Variants in LHX3 observed in about 807,000 individuals in gnomAD.
The protein encoded by LHX3 is LIM/homeobox protein Lhx3.
Under a neutral mutation model 32.4 loss-of-function variants are expected in LHX3, and 21 were observed. The ratio of observed to expected loss-of-function variants is 0.65; its 90% confidence interval spans 0.46 to 0.93. The LOEUF is 0.93. LHX3 is among the 40% of genes least tolerant of loss of function. The pLI is 0.00. For missense variants in LHX3, 626 were observed against 560.0 expected (o/e 1.12, Z -1.19); for synonymous variants, 258 against 246.8 (o/e 1.05, Z -0.43).
intron 1 of LHX3, chr9:136,201,819 C>T (rs1831645450): frequency 3.6e-6 from 2 of 552,786 alleles, no homozygotes; most frequent in Non-Finnish European, 4.6e-6. Flanking sequence ...GTCGAGGACC[C>T]GCTGCGCGCC....
At chr9:136,198,571 G>C in intron 5 of LHX3, 81 bp downstream of exon 5, 1 of 1,455,056 alleles carries the variant, frequency 6.9e-7, no homozygotes, top group South Asian at 1.2e-5. Context: ...GGGAAATTCA[G>C]ATCCGCGGGC....
At chr9:136,200,339 C>CT (rs1168027019) in intron 2 of LHX3, 84 of 585,332 alleles carry the variant, frequency 1.4e-4, no homozygotes, top group Middle Eastern at 9.1e-4. Flanking sequence ...TAATAAATTG[C>CT]TTTTTTTTCC....
rs754186538 is a variant in LHX3, at chr9:136,199,720, G to T, written c.412C>A (p.Arg138=). ...GDEFYLMEDS[R]LVCKADYETA... ...TCGTAGTCCGCCTTGCACACGAGCC[G>T]GCTGTCCTCCATGAGGTAGAACTCG... Residue 138 remains arginine, a synonymous_variant, in exon 3 of 6, where the codon CGG becomes AGG. Coordinates refer to ENST00000371748, the MANE Select transcript of LHX3 (RefSeq NM_178138.6). 2 of 1,612,946 alleles carry T rather than the reference G, an allele frequency of 1.2e-6. No homozygotes were observed. Among genetic ancestry groups the T allele is most frequent in the South Asian group, 1.1e-5 (1 of 91,080 alleles).
In LHX3 at chr9:136,197,546, G is replaced by T; in HGVS notation, c.973C>A (p.Gln325Lys). 6.5e-7 allele frequency: 1 copy of T among 1,528,444 alleles called. No homozygotes were observed. The highest frequency in any genetic ancestry group is 8.8e-7 in the Non-Finnish European group (1 of 1,133,868). The allele number at this position is 1,528,444 out of a possible 1,614,324, so 94.7% of individuals were successfully genotyped here. A position where few individuals can be genotyped will look rare whatever the true frequency, so the allele number is the denominator to read the frequency against. Reference protein sequence around the residue: ...YGVPPSPAAPQSLPGPQPLLS... With the variant: ...YGVPPSPAAPKSLPGPQPLLS... ...AGGGGCTGGGGGCCAGGGAGGCTCTGCGGGGCGGCGGGGGATGGGGGGACA... is the reference window on the plus strand; with the variant it reads ...AGGGGCTGGGGGCCAGGGAGGCTCTTCGGGGCGGCGGGGGATGGGGGGACA... The change falls in exon 6 of 6, where the codon CAG (glutamine) becomes AAG (lysine). Residue 325 changes from glutamine (Q) to lysine (K), a missense_variant. Gln to Lys is a moderately conservative substitution (Grantham distance 53). Transcript: ENST00000371748.
intron 1 of LHX3, chr9:136,201,180 C>G: frequency 7.4e-7 from 1 of 1,357,354 alleles, no homozygotes; most frequent in Non-Finnish European, 9.4e-7. Flanking sequence ...GCTGGGGCAC[C>G]CCATCGGGTC....
chr9:136,200,813 C>T (rs1831622964), intron 1 of LHX3, 60 bp from the exon 2 acceptor site: 1 of 1,589,362 alleles, frequency 6.3e-7, no homozygotes, highest in South Asian at 1.1e-5. Context: ...AAGCCACCTT[C>T]CCACCCCAAC....
Position 136,197,113 on chromosome 9 carries a change from C to A in LHX3, c.*212G>T. 1.7e-6 allele frequency: 1 copy of A among 596,702 alleles called. No homozygotes were observed. Among genetic ancestry groups the A allele is most frequent in the Non-Finnish European group, 3.0e-6 (1 of 335,556 alleles). 37.0% of individuals were successfully genotyped at this position (596,702 alleles called of 1,614,324 possible). On this transcript the variant is annotated 3_prime_UTR_variant, in exon 6 of 6. Transcript: ENST00000371748. ...CAAAAAAGGCTGGCTTGCTGGGAGG[C>A]CACCTGGCGGGCCAGCCCTGTGTCA...
Position 136,205,071 on chromosome 9 carries a change from G to A in LHX3, c.-59C>T. On this transcript the variant is annotated 5_prime_UTR_variant, in exon 1 of 6. Coordinates refer to ENST00000371748, the MANE Select transcript of LHX3 (RefSeq NM_178138.6). ...TCCTCCTAGGTCAGCGTCCCCTGGAGGGTTCGGGGCTCCCAAGTCCCGCCG... is the reference window on the plus strand; with the variant it reads ...TCCTCCTAGGTCAGCGTCCCCTGGAAGGTTCGGGGCTCCCAAGTCCCGCCG... 1 of 1,435,656 alleles carries A rather than the reference G, an allele frequency of 7.0e-7. No homozygotes were observed. The highest frequency in any genetic ancestry group is 9.4e-7 in the Non-Finnish European group (1 of 1,059,324). The allele number at this position is 1,435,656 out of a possible 1,614,324, so 88.9% of individuals were successfully genotyped here.
At chr9:136,202,961 C>G in intron 1 of LHX3, 1 of 1,531,974 alleles carries the variant, frequency 6.5e-7, no homozygotes, top group Non-Finnish European at 8.7e-7. Flanking sequence ...CGCAGGTCCG[C>G]CCTCCGCGCC....
Position 136,197,285 on chromosome 9 carries a change from A to G in LHX3, c.*40T>C, listed in dbSNP as rs775058506. ...AGCCCCGAGCCGCCCACCCAGGGGC[A>G]GCTCCCTCGTGTGAGGTGCAGGGTG... is the stretch of plus-strand genomic sequence containing the variant. On this transcript the variant is annotated 3_prime_UTR_variant, in exon 6 of 6. Coordinates refer to ENST00000371748, the MANE Select transcript of LHX3 (RefSeq NM_178138.6). 41 of 1,603,902 alleles carry G rather than the reference A, an allele frequency of 2.6e-5. No individual in the cohort carries two copies. The highest frequency in any genetic ancestry group is 3.5e-5 in the Non-Finnish European group (41 of 1,174,088).
intron 2 of LHX3, 143 bp downstream of exon 2, chr9:136,200,439 G>A (rs1347197424): frequency 5.1e-6 from 5 of 970,998 alleles, no homozygotes; most frequent in Non-Finnish European, 7.9e-6. Flanking sequence ...AGGCCACAGG[G>A]TGCCCTGCCT....
chr9:136,203,144 C>G (rs1831686472), intron 1 of LHX3: 5 of 1,345,460 alleles, frequency 3.7e-6, no homozygotes, highest in Non-Finnish European at 4.7e-6. Context: ...ACTCCGGGTG[C>G]TGCTGGGCGC....
Position 136,197,632 on chromosome 9 carries a change from T to G in LHX3, c.887A>C (p.Glu296Ala), listed in dbSNP as rs1234658087. 6.3e-7 allele frequency: 1 copy of G among 1,583,088 alleles called. No individual in the cohort carries two copies. The highest frequency in any genetic ancestry group is 8.6e-7 in the Non-Finnish European group (1 of 1,166,264). ...PSGALGNFSL[E>A]HGGLAGPEQY... ...CTCTGGGCCTGCCAGGCCTCCATGC[T>G]CCAGGGAGAAGTTGCCCAGGGCTCC... The change falls in exon 6 of 6, where the codon GAG becomes GCG. Residue 296 changes from glutamate (E) to alanine (A), a missense_variant. Coordinates refer to ENST00000371748, the MANE Select transcript of LHX3 (RefSeq NM_178138.6).
chr9:136,201,197 A>G lies in LHX3; in HGVS notation c.80-444T>C. ...TGGGGCACCCCATCGGGTCTCCTTC[A>G]TGTTAAGCGTCATGGCCACTCTTTC... On this transcript the variant is annotated intron_variant, in intron 1 of 5. Transcript: ENST00000371748. The G allele has an allele frequency of 2.2e-6, 3 of 1,337,726 alleles. No individual in the cohort carries two copies. The South Asian group carries it at 7.0e-5, about 31-fold the overall frequency. The allele number at this position is 1,337,726 out of a possible 1,614,324, so 82.9% of individuals were successfully genotyped here. A position where few individuals can be genotyped will look rare whatever the true frequency, so the allele number is the denominator to read the frequency against.
In LHX3 at chr9:136,197,389, C is replaced by A. The variant is rs760681011; in HGVS notation, c.1130G>T (p.Gly377Val). 9 of 1,611,258 alleles carry A rather than the reference C, an allele frequency of 5.6e-6. No individual in the cohort carries two copies. Among genetic ancestry groups the A allele is most frequent in the Non-Finnish European group, 7.6e-6 (9 of 1,179,550 alleles). ...GGGGCTGGCAGGGAAGTCGGGGTAA[C>A]CCCCGCTGCTCCCCGTGGATAGGTC... is the stretch of plus-strand genomic sequence containing the variant. The part of the protein sequence containing the change: ...SSDLSTGSSG[G>V]YPDFPASPAS... The change falls in exon 6 of 6, where the codon GGT becomes GTT. Residue 377 changes from glycine (G) to valine (V), a missense_variant. Coordinates refer to ENST00000371748, the MANE Select transcript of LHX3 (RefSeq NM_178138.6).
intron 5 of LHX3, 88 bp downstream of exon 5, chr9:136,198,564 A>T: frequency 7.0e-7 from 1 of 1,419,574 alleles, no homozygotes; most frequent in South Asian, 1.2e-5. Context: ...ACTCCATGGG[A>T]AATTCAGATC....
chr9:136,199,962 T>C, intron 2 of LHX3, 82 bp from the exon 3 acceptor site: 3 of 1,418,938 alleles, frequency 2.1e-6, no homozygotes, highest in Non-Finnish European at 2.9e-6. Context: ...GGCAAGCGGC[T>C]GCCTGGGAAG....
intron 3 of LHX3, 73 bp downstream of exon 3, chr9:136,199,605 G>GC (rs1193502432): frequency 1.4e-5 from 21 of 1,496,306 alleles, no homozygotes; most frequent in African/African-American, 6.9e-5. Context: ...TTCCCCGGAC[G>GC]CCCCCCTGGG....
chr9:136,199,638 T>G (rs771436059), intron 3 of LHX3, 40 bp downstream of exon 3: 2 of 1,608,144 alleles, frequency 1.2e-6, no homozygotes, highest in South Asian at 2.2e-5. Flanking sequence ...CCCATTTTTT[T>G]CAGACCAGGA....
Sources: allele counts gnomAD v4.1 joint callset, GRCh38; gene constraint gnomAD v4.1.1; transcripts MANE v1.5; gene names NCBI Gene and HGNC (gene_info 2026-07-23, HGNC 2026-07-21).